CD44: variants seen among roughly 807,000 people sequenced by gnomAD.
CD44 encodes the protein CD44 antigen.
CD44 carries 49 observed loss-of-function variants against 88.8 expected under a neutral mutation model. That is an observed-to-expected ratio of 0.55 (90% confidence interval 0.44 to 0.70). CD44 has a LOEUF of 0.70. Among genes scored for constraint, CD44 ranks in the 30% least tolerant of loss-of-function variants. The pLI, the probability that CD44 is intolerant of heterozygous loss-of-function variation, is 0.00. For missense variants in CD44, 883 were observed against 913.8 expected, an observed-to-expected ratio of 0.97 and a Z score of 0.43; for synonymous variants, 325 against 312.3, an observed-to-expected ratio of 1.04 and a Z score of -0.43.
Position 35,196,786 on chromosome 11 carries a change from C to T in CD44, c.708C>T (p.Thr236=), listed in dbSNP as rs765856853. The T allele has an allele frequency of 6.2e-7, 1 of 1,613,792 alleles. No individual in the cohort carries two copies. The highest frequency in any genetic ancestry group is 1.7e-5 in the Admixed American group (1 of 60,010). Residue 236 remains threonine (T), a synonymous_variant, in exon 6 of 18, where the codon ACC becomes ACT. Coordinates refer to ENST00000428726, the MANE Select transcript of CD44 (RefSeq NM_000610.4). ...STSATATETA[T]KRQETWDWFS... is the part of the protein sequence containing the mutation. ...GTGCTACAGCAACTGAGACAGCAAC[C>T]AAGAGGCAAGAAACCTGGGATTGGT... is the stretch of plus-strand genomic sequence containing the variant.
intron 1 of CD44, among the ~76,000 whole-genome samples, chr11:35,142,466 G>T (rs545528594): frequency 6.6e-6 from 1 of 152,276 alleles, no homozygotes; most frequent in East Asian, 1.9e-4. Flanking sequence ...GCCTGGTGTT[G>T]AGAAAGAGGA....
At chr11:35,221,796 C>A in intron 17 of CD44, 64 bp downstream of exon 17, 2 of 1,392,762 alleles carry the variant, frequency 1.4e-6, no homozygotes, top group African/African-American at 1.4e-5. Context: ...GGCTTTATAT[C>A]CTTGCTGCTC....
chr11:35,220,177 C>T (rs1435754360), intron 16 of CD44, among the ~76,000 whole-genome samples: 1 of 152,164 alleles, frequency 6.6e-6, no homozygotes, highest in African/African-American at 2.4e-5. Context: ...TGCCTAAGCA[C>T]ACCTGAAGAC....
intron 16 of CD44, 119 bp from the exon 17 acceptor site, chr11:35,221,535 A>AC (rs1424442150): frequency 1.6e-5 from 13 of 826,472 alleles, no homozygotes; most frequent in Non-Finnish European, 2.3e-5. Flanking sequence ...TATTGGCCAG[A>AC]CCCCCCTGCA....
chr11:35,191,273 C>A (rs141047925), intron 5 of CD44, among the ~76,000 whole-genome samples: 3 of 152,282 alleles, frequency 2.0e-5, no homozygotes, highest in African/African-American at 7.2e-5. Context: ...AGGTCACTTG[C>A]GCAATAGTGT....
chr11:35,224,335 C>A (rs952109299), intron 17 of CD44, among the ~76,000 whole-genome samples: 5 of 152,176 alleles, frequency 3.3e-5, no homozygotes, highest in Admixed American at 3.3e-4. Flanking sequence ...TACAGCTCTC[C>A]AAGAGAAATC....
chr11:35,139,436 G>GC, intron 1 of CD44, 66 bp downstream of exon 1: 2 of 1,426,476 alleles, frequency 1.4e-6, no homozygotes, highest in South Asian at 1.2e-5. Context: ...CCCGGCGGCA[G>GC]CCCCTCCGGC....
intron 3 of CD44, among the ~76,000 whole-genome samples, chr11:35,181,871 A>AT: frequency 1.2e-5 from 1 of 84,438 alleles, no homozygotes; most frequent in Admixed American, 1.8e-4. Context: ...TTATATATAT[A>AT]TATTATATAT....
At chr11:35,221,043 G>C (rs57989906) in intron 16 of CD44, among the ~76,000 whole-genome samples, 1 of 152,284 alleles carries the variant, frequency 6.6e-6, no homozygotes, top group East Asian at 1.9e-4. Context: ...ACAGGCGTGA[G>C]CCACCGCACC....
chr11:35,228,088 A>G (rs1184254589), intron 17 of CD44, among the ~76,000 whole-genome samples: 1 of 152,152 alleles, frequency 6.6e-6, no homozygotes, highest in African/African-American at 2.4e-5. Context: ...TCCTTCCTCT[A>G]AGCATAGTCT....
chr11:35,204,091 G>A (rs1300878526), intron 9 of CD44, among the ~76,000 whole-genome samples: 1 of 152,168 alleles, frequency 6.6e-6, no homozygotes, highest in Non-Finnish European at 1.5e-5. Context: ...GTCTCCTAAT[G>A]TGCTGATCTT....
chr11:35,156,043 G>A (rs76083641), intron 1 of CD44, among the ~76,000 whole-genome samples: 1,890 of 152,238 alleles, frequency 0.012, 49 homozygotes, highest in African/African-American at 0.043. Context: ...CTACCCCAGA[G>A]CTGATGTCCA....
chr11:35,221,776 T>A, intron 17 of CD44, 44 bp downstream of exon 17: 1 of 1,519,632 alleles, frequency 6.6e-7, no homozygotes, highest in Non-Finnish European at 9.1e-7. Flanking sequence ...AAGGGCATCA[T>A]TTAAACCTGG....
intron 1 of CD44, among the ~76,000 whole-genome samples, chr11:35,158,735 G>A (rs1270474561): frequency 2.0e-5 from 3 of 152,168 alleles, no homozygotes; most frequent in African/African-American, 7.2e-5. Context: ...TTGGCAGGGC[G>A]GGCACACCAG....
rs181399238 is a variant in CD44 at position 35,218,693 on chromosome 11, G to T, written c.1874-623G>T. On this transcript the variant is annotated intron_variant, in intron 15 of 17. Coordinates refer to ENST00000428726, the MANE Select transcript of CD44 (RefSeq NM_000610.4). ...TTTCAGGTTCCCTTTGGGCTTTCTG[G>T]AGCGTGTGAGTCCCCTGGGGGTCTT... Among the ~76,000 whole-genome samples the T allele has an allele frequency of 4.9e-3, 744 of 152,236 alleles. 5 individuals are homozygous for T. Among genetic ancestry groups the T allele is most frequent in the Non-Finnish European group, 6.4e-3 (434 of 68,028 alleles).
intron 1 of CD44, among the ~76,000 whole-genome samples, chr11:35,151,254 G>A (rs531331087): frequency 6.6e-6 from 1 of 152,206 alleles, no homozygotes; most frequent in South Asian, 2.1e-4. Flanking sequence ...AAAGAACAGT[G>A]AGAGATGAGG....
chr11:35,183,817 T>C (rs538552624), intron 3 of CD44, among the ~76,000 whole-genome samples: 1 of 152,332 alleles, frequency 6.6e-6, no homozygotes, highest in East Asian at 1.9e-4. Context: ...GTGCCTCATT[T>C]TCTTTTGAGG....
At chr11:35,205,688 T>C (rs779277567) in intron 10 of CD44, 62 of 549,052 alleles carry the variant, frequency 1.1e-4, no homozygotes, top group Middle Eastern at 9.1e-4. Context: ...ACCTGATTCC[T>C]TTCCTGAGAT....
chr11:35,221,306 C>A lies in CD44; in HGVS notation c.1946-348C>A, dbSNP rs995487711. ...GCTCTTATACAGGAAAAAAATGTTC[C>A]TTTCAAAAGAAGCCTACATTTCCTT... On this transcript the variant is annotated intron_variant, in intron 16 of 17. Coordinates refer to ENST00000428726, the MANE Select transcript of CD44 (RefSeq NM_000610.4). Among the ~76,000 whole-genome samples, 4 of 152,100 alleles carry A rather than the reference C, an allele frequency of 2.6e-5. 1 individual carries two copies. Among genetic ancestry groups the A allele is most frequent in the Admixed American group, 2.0e-4 (3 of 15,274 alleles).
Sources: allele counts gnomAD v4.1 joint callset (sites outside exome capture counted in the v4.1 genomes callset), GRCh38; gene constraint gnomAD v4.1.1; transcripts MANE v1.5; gene names NCBI Gene and HGNC (gene_info 2026-07-23, HGNC 2026-07-21).